The following BLM variants were observed in gnomAD, a reference collection of about 807,000 sequenced individuals.
The protein encoded by BLM is BLM RecQ like helicase.
A neutral mutation model predicts 135.3 loss-of-function variants in BLM; 95 were observed. That is an observed-to-expected ratio of 0.70 (90% CI 0.59 to 0.83). The LOEUF (loss-of-function observed/expected upper bound fraction) is 0.83, where lower values mean the gene tolerates loss of function less well. Among genes scored for constraint, BLM ranks in the 40% least tolerant of loss-of-function variants. BLM has a pLI of 0.00. For missense variants in BLM, 1,518 were observed against 1,663.9 expected (o/e 0.91, Z 1.53); for synonymous variants, 520 against 589.2 (o/e 0.88, Z 1.70).
At chr15:90,736,391 C>A (rs1443931959) in intron 1 of BLM, among the ~76,000 whole-genome samples, 1 of 151,916 alleles carries the variant, frequency 6.6e-6, no homozygotes. Context: ...TCTGGAGTAG[C>A]TGGGACCACA....
intron 8 of BLM, among the ~76,000 whole-genome samples, chr15:90,764,413 G>A (rs1490683119): frequency 6.6e-6 from 1 of 151,890 alleles, no homozygotes; most frequent in East Asian, 1.9e-4. Flanking sequence ...ATACAGTGGT[G>A]CTATCACAGC....
intron 7 of BLM, among the ~76,000 whole-genome samples, chr15:90,761,600 C>T (rs541013038): frequency 1.1e-4 from 16 of 152,136 alleles, no homozygotes; most frequent in Admixed American, 9.2e-4. Context: ...AAAATGGATT[C>T]GCATGCTAAA....
At chr15:90,781,453 C>A (rs1896614620) in intron 12 of BLM, among the ~76,000 whole-genome samples, 1 of 151,908 alleles carries the variant, frequency 6.6e-6, no homozygotes. Context: ...GGTGAAACCC[C>A]ATCTCTACTA....
At chr15:90,728,552 A>G (rs982842255) in intron 1 of BLM, among the ~76,000 whole-genome samples, 7 of 151,854 alleles carry the variant, frequency 4.6e-5, no homozygotes, top group Non-Finnish European at 7.4e-5. Flanking sequence ...ACGTGCCACT[A>G]CTGCCACCAC....
At chr15:90,781,199 T>C (rs1234791693) in intron 12 of BLM, among the ~76,000 whole-genome samples, 1 of 152,188 alleles carries the variant, frequency 6.6e-6, no homozygotes, top group Non-Finnish European at 1.5e-5. Flanking sequence ...AAAAATAAAG[T>C]GACTGTAATC....
At chr15:90,720,179 T>C (rs1894727947) in intron 1 of BLM, among the ~76,000 whole-genome samples, 1 of 152,236 alleles carries the variant, frequency 6.6e-6, no homozygotes, top group African/African-American at 2.4e-5. Flanking sequence ...TCTGCTAGTC[T>C]ATAAGCTCCT....
intron 5 of BLM, chr15:90,755,386 C>G (rs1015339640): frequency 1.1e-5 from 2 of 182,190 alleles, no homozygotes; most frequent in Non-Finnish European, 2.3e-5. Flanking sequence ...CTTTCTTGAC[C>G]TTTCATCCTC....
chr15:90,754,253 G>A (rs1469850229), intron 4 of BLM, among the ~76,000 whole-genome samples: 1 of 152,120 alleles, frequency 6.6e-6, no homozygotes, highest in Non-Finnish European at 1.5e-5. Flanking sequence ...TATGTAATCA[G>A]ACTGACCAGG....
At chr15:90,805,278 T>C (rs1199270351) in intron 19 of BLM, among the ~76,000 whole-genome samples, 1 of 152,172 alleles carries the variant, frequency 6.6e-6, no homozygotes, top group African/African-American at 2.4e-5. Flanking sequence ...ATATATGGTA[T>C]AATTTTAATT....
intron 21 of BLM, among the ~76,000 whole-genome samples, chr15:90,811,648 C>T (rs1160317695): frequency 6.6e-6 from 1 of 152,112 alleles, no homozygotes; most frequent in Non-Finnish European, 1.5e-5. Flanking sequence ...ATAGTTATGA[C>T]TAAAGTTTTC....
intron 1 of BLM, among the ~76,000 whole-genome samples, chr15:90,737,749 C>T (rs564543337): frequency 6.6e-6 from 1 of 152,200 alleles, no homozygotes; most frequent in South Asian, 2.1e-4. Context: ...AATTTAACTT[C>T]ACACTTAAAG....
chr15:90,759,286 G>T (rs1895896652), intron 5 of BLM, among the ~76,000 whole-genome samples: 1 of 152,030 alleles, frequency 6.6e-6, no homozygotes, highest in Non-Finnish European at 1.5e-5. Context: ...ACTTGACTGG[G>T]CACAGTGGCT....
intron 1 of BLM, among the ~76,000 whole-genome samples, chr15:90,743,124 G>A (rs958325190): frequency 6.6e-6 from 1 of 151,188 alleles, no homozygotes; most frequent in Non-Finnish European, 1.5e-5. Flanking sequence ...GCCTCCCTGA[G>A]TAGTTGGGAC....
intron 1 of BLM, among the ~76,000 whole-genome samples, chr15:90,740,594 T>C (rs1455891390): frequency 6.6e-6 from 1 of 152,220 alleles, no homozygotes; most frequent in Non-Finnish European, 1.5e-5. Flanking sequence ...TTCGCATATA[T>C]AGCTAGGAGT....
chr15:90,765,318 C>T lies in BLM; in HGVS notation c.2097C>T (p.Tyr699=). The change falls in exon 9 of 22, where the codon TAC becomes TAT. Residue 699 remains tyrosine, a synonymous_variant. Coordinates refer to ENST00000355112, the MANE Select transcript of BLM (RefSeq NM_000057.4). ...MPTGGGKSLC[Y]QLPACVSPGV... is the part of the protein sequence containing the mutation. ...CAGGAGGTGGTAAGAGTTTGTGTTA[C>T]CAGCTCCCTGCCTGTGTTTCTCCTG... 1 of 1,612,894 alleles carries T rather than the reference C, an allele frequency of 6.2e-7. No individual in the cohort carries two copies. The highest frequency in any genetic ancestry group is 1.7e-4 in the Middle Eastern group (1 of 6,058).
intron 1 of BLM, among the ~76,000 whole-genome samples, chr15:90,745,654 G>A (rs947864901): frequency 3.3e-5 from 5 of 152,018 alleles, no homozygotes; most frequent in Admixed American, 6.6e-5. Flanking sequence ...CAAGCGATCC[G>A]CTCACCTCAG....
At chr15:90,728,335 C>CTATAATAGATAT (rs1894972087) in intron 1 of BLM, among the ~76,000 whole-genome samples, 1 of 151,924 alleles carries the variant, frequency 6.6e-6, no homozygotes, top group Non-Finnish European at 1.5e-5. Context: ...TGTGCCCAGC[C>CTATAATAGATAT]CAATTTTCTG....
At chr15:90,778,647 G>C (rs1312858531) in intron 12 of BLM, among the ~76,000 whole-genome samples, 1 of 152,106 alleles carries the variant, frequency 6.6e-6, no homozygotes, top group Non-Finnish European at 1.5e-5. Flanking sequence ...TTTTGTGACT[G>C]TCTACTTAGC....
intron 14 of BLM, among the ~76,000 whole-genome samples, chr15:90,786,135 G>A (rs906954045): frequency 6.6e-6 from 1 of 150,790 alleles, no homozygotes; most frequent in Non-Finnish European, 1.5e-5. Flanking sequence ...GACGACAGGC[G>A]CACCACTATG....
Sources: gnomAD v4.1 joint callset for allele counts (sites outside exome capture counted in the v4.1 genomes callset) on GRCh38, gnomAD v4.1.1 for gene constraint, MANE v1.5 for transcripts, NCBI Gene and HGNC (gene_info 2026-07-23, HGNC 2026-07-21) for gene names.